ACOX1: variants seen among roughly 807,000 people sequenced by gnomAD.
ACOX1 encodes acyl-CoA oxidase 1.
Under a neutral mutation model 75.5 loss-of-function variants are expected in ACOX1, and 41 were observed. The observed-to-expected ratio is 0.54, with a 90% CI of 0.42 to 0.70. The LOEUF (loss-of-function observed/expected upper bound fraction) is 0.70, where lower values mean the gene tolerates loss of function less well. ACOX1 is among the 30% of genes least tolerant of loss of function. ACOX1 has a pLI of 0.00. For missense variants in ACOX1, 630 were observed against 837.5 expected (o/e 0.75, Z 3.06); for synonymous variants, 303 against 298.8 (o/e 1.01, Z -0.15).
Position 75,948,338 on chromosome 17 carries a change from T to G in ACOX1, c.1848A>C (p.Thr616=). 6.2e-7 allele frequency: 1 copy of G among 1,614,192 alleles called. No individual in the cohort carries two copies. The highest frequency in any genetic ancestry group is 8.5e-7 in the Non-Finnish European group (1 of 1,180,030). The change falls in exon 13 of 14, where the codon ACA becomes ACC. Residue 616 remains threonine (T), a synonymous_variant. Transcript: ENST00000293217. ...LVDAFDFQDV[T]LGSVLGRYDG... is the part of the protein sequence containing the mutation. ...CATAGCGGCCAAGCACAGAGCCAAGTGTCACATCCTGAAAATCAAATGCAT... is the reference window on the plus strand; with the variant it reads ...CATAGCGGCCAAGCACAGAGCCAAGGGTCACATCCTGAAAATCAAATGCAT...
At chr17:75,971,871 C>T (rs930457289) in intron 2 of ACOX1, among the ~76,000 whole-genome samples, 1 of 152,158 alleles carries the variant, frequency 6.6e-6, no homozygotes, top group African/African-American at 2.4e-5. Context: ...TATTTCACAT[C>T]TTATGCCTCC....
intron 2 of ACOX1, among the ~76,000 whole-genome samples, chr17:75,962,808 G>A (rs576214825): frequency 2.0e-5 from 3 of 152,330 alleles, no homozygotes; most frequent in African/African-American, 4.8e-5. Flanking sequence ...AGCTGAGCAA[G>A]GGGTAAAACA....
rs1357374786 is a variant in ACOX1 at position 75,943,658 on chromosome 17, G to A, written c.*3090C>T. 3 of 152,224 alleles carry A rather than the reference G, an allele frequency of 2.0e-5. No individual in the cohort carries two copies. Among genetic ancestry groups the A allele is most frequent in the Non-Finnish European group, 4.4e-5 (3 of 68,042 alleles). 9.4% of individuals were successfully genotyped at this position (152,224 alleles called of 1,614,324 possible). A position where few individuals can be genotyped will look rare whatever the true frequency, so the allele number is the denominator to read the frequency against. ...ATATGAACACGGTGAATGTTGTAATGTTCTGAAGATAAGCTGATACTTAGT... is the reference window on the plus strand; with the variant it reads ...ATATGAACACGGTGAATGTTGTAATATTCTGAAGATAAGCTGATACTTAGT... On this transcript the variant is annotated 3_prime_UTR_variant, in exon 14 of 14. Coordinates refer to ENST00000293217, the MANE Select transcript of ACOX1 (RefSeq NM_004035.7).
chr17:75,971,518 G>C (rs1358499363), intron 2 of ACOX1, among the ~76,000 whole-genome samples: 2 of 151,738 alleles, frequency 1.3e-5, no homozygotes, highest in Non-Finnish European at 2.9e-5. Context: ...GAGACAGGTG[G>C]ATCACCTGAG....
In ACOX1 at chr17:75,948,290, CA is replaced by C; in HGVS notation, c.1895del (p.Leu632CysfsTer10). On this transcript the variant is annotated frameshift_variant, in exon 13 of 14. Coordinates refer to ENST00000293217, the MANE Select transcript of ACOX1 (RefSeq NM_004035.7). LOFTEE classifies it high-confidence loss of function. The stretch of plus-strand genomic sequence containing the variant: ...GTGGGGAGTTCTTAGCCCACTCAAA[CA>C]AGTTTTCATACACATTCCCATCATA... Reference protein sequence around the residue: ...GRYDGNVYENLFEWAKNSPLN... With the variant: ...GRYDGNVYENXFEWAKNSPLN... The C allele has an allele frequency of 6.2e-7, 1 of 1,614,100 alleles. No individual in the cohort carries two copies. Among genetic ancestry groups the C allele is most frequent in the Non-Finnish European group, 8.5e-7 (1 of 1,179,982 alleles).
intron 2 of ACOX1, among the ~76,000 whole-genome samples, chr17:75,967,695 TAC>T (rs1567885377): frequency 2.8e-4 from 38 of 136,240 alleles, no homozygotes; most frequent in African/African-American, 1.0e-3. Context: ...TATATATACA[TAC>T]ATATATATAC....
chr17:75,953,798 G>C (rs1021455342), intron 6 of ACOX1, among the ~76,000 whole-genome samples, 178 bp from the exon 7 acceptor site: 17 of 152,344 alleles, frequency 1.1e-4, no homozygotes, highest in Middle Eastern at 3.4e-3. Context: ...GTAGGGCCTA[G>C]CAACCTGGGC....
chr17:75,956,969 CTCTATATATATATATATATA>C (rs1567878039), intron 4 of ACOX1, among the ~76,000 whole-genome samples: 89 of 9,022 alleles, frequency 9.9e-3, no homozygotes, highest in Middle Eastern at 0.045. Context: ...CTCTCTCTCT[CTCTATATATATATATATATA>C]TATATATATA....
At chr17:75,958,807 CAAAA>C (rs60077017) in intron 3 of ACOX1, among the ~76,000 whole-genome samples, 7 of 86,370 alleles carry the variant, frequency 8.1e-5, no homozygotes, top group African/African-American at 1.7e-4. Flanking sequence ...GACTCCGTCT[CAAAA>C]AAAAAAAAAA....
At chr17:75,962,565 G>A (rs1276998783) in intron 2 of ACOX1, among the ~76,000 whole-genome samples, 1 of 152,162 alleles carries the variant, frequency 6.6e-6, no homozygotes, top group Non-Finnish European at 1.5e-5. Context: ...TTGCAAGGTA[G>A]GGAGGAAAAG....
chr17:75,946,661 A>T lies in ACOX1; in HGVS notation c.*87T>A. On this transcript the variant is annotated 3_prime_UTR_variant, in exon 14 of 14. Coordinates refer to ENST00000293217, the MANE Select transcript of ACOX1 (RefSeq NM_004035.7). ...GGGGTCAATTTATCATTTGCTCTAT[A>T]GCTATTTGAATTCGAAAAAGATTCC... is the stretch of plus-strand genomic sequence containing the variant. The T allele has an allele frequency of 9.0e-7, 1 of 1,107,316 alleles. No homozygotes were observed. The highest frequency in any genetic ancestry group is 1.4e-6 in the Non-Finnish European group (1 of 727,468). The allele number at this position is 1,107,316 out of a possible 1,614,324, so 68.6% of individuals were successfully genotyped here.
Position 75,950,608 on chromosome 17 carries a change from G to A in ACOX1, c.1298+166C>T, listed in dbSNP as rs2065765499. ...TGTAACAGGTGCTTCATACTCTCTA[G>A]CCTCACCACGAAATAAAAACCGTGA... On this transcript the variant is annotated intron_variant, in intron 9 of 13. Transcript: ENST00000293217. This position sits in a 1 kb window ranked among gnomAD's most constrained non-coding sequence, Gnocchi z 4.3. Among the ~76,000 whole-genome samples, 1 of 152,014 alleles carries A rather than the reference G, an allele frequency of 6.6e-6. No individual in the cohort carries two copies. Among genetic ancestry groups the A allele is most frequent in the Non-Finnish European group, 1.5e-5 (1 of 68,030 alleles).
At chr17:75,975,309 C>T (rs904705910) in intron 2 of ACOX1, among the ~76,000 whole-genome samples, 1 of 151,890 alleles carries the variant, frequency 6.6e-6, no homozygotes, top group Non-Finnish European at 1.5e-5. Flanking sequence ...TAGGCGTGTG[C>T]CACCAAGCCC....
Position 75,948,417 on chromosome 17 carries a change from T to C in ACOX1, c.1769A>G (p.Gln590Arg), listed in dbSNP as rs772168655. 1.2e-6 allele frequency: 2 copies of C among 1,614,190 alleles called. No individual in the cohort carries two copies. The highest frequency in any genetic ancestry group is 1.1e-5 in the South Asian group (1 of 91,086). ...MTEPQITQVN[Q>R]RVKELLTLIR... ...CAGAGTGAGTAACTCCTTTACACGC[T>C]GGTTTACTTGTGTAATCTGAGGCTC... Residue 590 changes from glutamine to arginine, a missense_variant, in exon 13 of 14, where the codon CAG (glutamine) becomes CGG (arginine). Physicochemically the swap from Gln to Arg is conservative, Grantham distance 43 (BLOSUM62 1). This residue lies in a region of ACOX1 where 240 missense variants were observed against 262.7 expected (regional missense o/e 0.91). Coordinates refer to ENST00000293217, the MANE Select transcript of ACOX1 (RefSeq NM_004035.7).
intron 2 of ACOX1, chr17:75,973,832 C>A: frequency 1.9e-6 from 3 of 1,600,618 alleles, no homozygotes; most frequent in Non-Finnish European, 2.6e-6. Flanking sequence ...TTAGAAACTG[C>A]ATCCTACAAC....
intron 3 of ACOX1, among the ~76,000 whole-genome samples, chr17:75,958,762 C>G (rs1209927899): frequency 1.4e-5 from 2 of 147,794 alleles, no homozygotes; most frequent in South Asian, 4.3e-4. Flanking sequence ...GAGCTGAGAT[C>G]GCGCCACTGC....
chr17:75,962,541 T>G (rs1207238651), intron 2 of ACOX1, among the ~76,000 whole-genome samples: 1 of 152,190 alleles, frequency 6.6e-6, no homozygotes, highest in East Asian at 1.9e-4. Context: ...AGTTTTTAAA[T>G]TGCTGTTTGT....
chr17:75,969,494 A>G (rs1476212504), intron 2 of ACOX1, among the ~76,000 whole-genome samples: 1 of 152,098 alleles, frequency 6.6e-6, no homozygotes, highest in Non-Finnish European at 1.5e-5. Context: ...AGTTTATATT[A>G]TTATCACTAA....
At chr17:75,952,023 T>A (rs2065779628) in intron 7 of ACOX1, among the ~76,000 whole-genome samples, 1 of 152,070 alleles carries the variant, frequency 6.6e-6, no homozygotes, top group Non-Finnish European at 1.5e-5. Context: ...TTGTACTGCG[T>A]AGGCTGACAG....
Sources: gnomAD v4.1 joint callset for allele counts (sites outside exome capture counted in the v4.1 genomes callset) on GRCh38, gnomAD v4.1.1 for gene constraint, gnomAD v4.1.1 regional missense constraint, Gnocchi (gnomAD v3.1) non-coding constraint, MANE v1.5 for transcripts, NCBI Gene and HGNC (gene_info 2026-07-23, HGNC 2026-07-21) for gene names.